The following MYO16 variants were observed in gnomAD, a reference collection of about 807,000 sequenced individuals.
The protein encoded by MYO16 is myosin XVI, also known as unconventional myosin-XVI.
MYO16 carries 94 observed loss-of-function variants against 205.3 expected under a neutral mutation model. The ratio of observed to expected loss-of-function variants is 0.46; its 90% CI spans 0.39 to 0.54. The LOEUF (loss-of-function observed/expected upper bound fraction) is 0.54. MYO16 is among the 20% of genes least tolerant of loss of function. The pLI is 0.00. For synonymous variants in MYO16, 988 were observed against 954.0 expected (o/e 1.04, Z -0.66); for missense variants, 2,315 against 2,387.5 (o/e 0.97, Z 0.63).
intron 20 of MYO16, among the ~76,000 whole-genome samples, chr13:108,967,317 G>T (rs1028043726): frequency 6.6e-6 from 1 of 152,124 alleles, no homozygotes; most frequent in African/African-American, 2.4e-5. Context: ...TTGGATTACA[G>T]TAAAATAGGC....
intron 16 of MYO16, among the ~76,000 whole-genome samples, chr13:108,936,861 GAT>G (rs931597129): frequency 1.3e-5 from 2 of 152,086 alleles, no homozygotes; most frequent in Admixed American, 1.3e-4. Context: ...GGTTAATATT[GAT>G]ATGTGAGGTT....
chr13:108,543,779 G>C, the MYO16 span, among the ~76,000 whole-genome samples: 1 of 126,780 alleles, frequency 7.9e-6, no homozygotes, highest in Non-Finnish European at 1.6e-5. Flanking sequence ...TAAAGAGCAT[G>C]ATAAGGCTGG....
the MYO16 span, among the ~76,000 whole-genome samples, chr13:108,554,058 C>T: frequency 2.0e-5 from 3 of 152,168 alleles, no homozygotes; most frequent in Non-Finnish European, 4.4e-5. Flanking sequence ...CCTTGATGTG[C>T]CATACATAGC....
chr13:108,919,866 TTAGCAAC>T (rs1484085355), intron 16 of MYO16, among the ~76,000 whole-genome samples: 1 of 152,250 alleles, frequency 6.6e-6, no homozygotes, highest in African/African-American at 2.4e-5. Context: ...CTGAACTTAC[TTAGCAAC>T]AAAATCTAAA....
At chr13:109,122,968 G>A (rs575788977) in intron 29 of MYO16, among the ~76,000 whole-genome samples, 1 of 152,278 alleles carries the variant, frequency 6.6e-6, no homozygotes, top group Non-Finnish European at 1.5e-5. Context: ...AAAGAAAGCT[G>A]TAACTTTTAG....
chr13:109,108,808 C>T (rs1014562078), intron 28 of MYO16, among the ~76,000 whole-genome samples: 4 of 152,010 alleles, frequency 2.6e-5, no homozygotes, highest in African/African-American at 7.2e-5. Flanking sequence ...GAGCTGGGGA[C>T]GTGCTGAGGC....
chr13:108,650,658 C>T (rs1230721214), intron 1 of MYO16, among the ~76,000 whole-genome samples: 1 of 152,120 alleles, frequency 6.6e-6, no homozygotes, highest in Non-Finnish European at 1.5e-5. Context: ...TGGGATATAG[C>T]CTGTTTGGGC....
At chr13:108,557,943 A>G in the MYO16 span, among the ~76,000 whole-genome samples, 2 of 152,226 alleles carry the variant, frequency 1.3e-5, no homozygotes, top group Non-Finnish European at 2.9e-5. Context: ...ACACACATAC[A>G]CATATATGTT....
At chr13:108,729,253 G>GA (rs904012385) in intron 4 of MYO16, among the ~76,000 whole-genome samples, 2 of 152,040 alleles carry the variant, frequency 1.3e-5, no homozygotes, top group South Asian at 4.1e-4. Flanking sequence ...CTCCAGAATT[G>GA]AAAAAAACTA....
At chr13:108,708,300 T>C (rs1482712229) in intron 2 of MYO16, among the ~76,000 whole-genome samples, 1 of 152,214 alleles carries the variant, frequency 6.6e-6, no homozygotes, top group Non-Finnish European at 1.5e-5. Context: ...GATACAATTT[T>C]CAAAGGCTTT....
chr13:108,762,278 T>C (rs1885634880), intron 4 of MYO16, among the ~76,000 whole-genome samples: 1 of 104,240 alleles, frequency 9.6e-6, no homozygotes, highest in Non-Finnish European at 2.2e-5. Context: ...ATGTCTTTGC[T>C]ATTGTGAATG....
intron 1 of MYO16, among the ~76,000 whole-genome samples, chr13:108,606,585 T>G (rs533582559): frequency 2.6e-5 from 4 of 152,102 alleles, no homozygotes; most frequent in Non-Finnish European, 5.9e-5. Context: ...TTTCAGAGGA[T>G]GTATGGAAAT....
intron 24 of MYO16, among the ~76,000 whole-genome samples, chr13:109,049,613 T>C (rs1887170745): frequency 6.6e-6 from 1 of 152,134 alleles, no homozygotes; most frequent in Non-Finnish European, 1.5e-5. Context: ...ACCTTCTCAG[T>C]AATGTTTTCA....
At position 109,206,826 on chromosome 13, in the gene MYO16, C is replaced by G. The variant is rs778405798; in HGVS notation, c.5633C>G (p.Thr1878Ser). ...CNRLPSELWD[T>S]TI ...AGGCTGCCGTCTGAGCTCTGGGACACCACCATTTGATGTGGCCTGAACTGC... is the reference window on the plus strand; with the variant it reads ...AGGCTGCCGTCTGAGCTCTGGGACAGCACCATTTGATGTGGCCTGAACTGC... Residue 1878 changes from threonine to serine, a missense_variant, in exon 35 of 35, where the codon ACC becomes AGC. This residue lies in a region of MYO16 where 1,097 missense variants were observed against 1,092.0 expected (regional missense o/e 1.00). Coordinates refer to ENST00000457511, the MANE Select transcript of MYO16 (RefSeq NM_001198950.3). 6.2e-7 allele frequency: 1 copy of G among 1,613,874 alleles called. No individual in the cohort carries two copies. Among genetic ancestry groups the G allele is most frequent in the Non-Finnish European group, 8.5e-7 (1 of 1,179,846 alleles).
At position 108,777,114 on chromosome 13, in the gene MYO16, C is replaced by A. The variant is rs529761373; in HGVS notation, c.508-8521C>A. Reference sequence around the variant, plus strand: ...AATTAGTATAGCCTGCTTTTACCTCCGAGGAAACTGGGGCATAAAACCCTT... The same window carrying A: ...AATTAGTATAGCCTGCTTTTACCTCAGAGGAAACTGGGGCATAAAACCCTT... On this transcript the variant is annotated intron_variant, in intron 4 of 34. Coordinates refer to ENST00000457511, the MANE Select transcript of MYO16 (RefSeq NM_001198950.3). 3.7e-4 allele frequency among the ~76,000 whole-genome samples: 56 copies of A among 152,174 alleles called. 2 individuals carry two copies. The East Asian group carries it at 7.4e-3, about 20-fold the overall frequency.
At chr13:108,511,032 T>C in the MYO16 span, among the ~76,000 whole-genome samples, 2,117 of 33,076 alleles carry the variant, frequency 0.064, 60 homozygotes, top group Admixed American at 0.071. Flanking sequence ...AGTTCTAGAT[T>C]CCTGAGGAAT....
Position 109,123,761 on chromosome 13 carries a change from G to A in MYO16, c.3536-1351G>A, listed in dbSNP as rs148380129. Among the ~76,000 whole-genome samples the A allele has an allele frequency of 3.9e-5, 6 of 152,222 alleles. 1 individual carries two copies. Among genetic ancestry groups the A allele is most frequent in the East Asian group, 3.9e-4 (2 of 5,174 alleles). ...TCCTGTTCAGCCATCATAGTAGAACGTTCTGTTCAGCTTTCTACCAGCTAC... is the reference window on the plus strand; with the variant it reads ...TCCTGTTCAGCCATCATAGTAGAACATTCTGTTCAGCTTTCTACCAGCTAC... On this transcript the variant is annotated intron_variant, in intron 29 of 34. Transcript: ENST00000457511.
intron 23 of MYO16, among the ~76,000 whole-genome samples, chr13:109,038,347 C>T (rs1158298198): frequency 6.6e-6 from 1 of 152,058 alleles, no homozygotes; most frequent in Non-Finnish European, 1.5e-5. Context: ...TGGGCACCAC[C>T]TAATCCCTTG....
chr13:109,121,128 G>C (rs74119832), intron 29 of MYO16, among the ~76,000 whole-genome samples: 78 of 152,264 alleles, frequency 5.1e-4, no homozygotes, highest in African/African-American at 1.9e-3. Context: ...AACAGTCTCT[G>C]TTCAGATTTT....
Sources: allele counts gnomAD v4.1 joint callset (sites outside exome capture counted in the v4.1 genomes callset), GRCh38; gene constraint gnomAD v4.1.1; regional missense constraint gnomAD v4.1.1; transcripts MANE v1.5; gene names NCBI Gene and HGNC (gene_info 2026-07-23, HGNC 2026-07-21).